NOVA1: variants seen among roughly 807,000 people sequenced by gnomAD.
The protein encoded by NOVA1 is NOVA alternative splicing regulator 1.
Under a neutral mutation model 38.0 loss-of-function variants are expected in NOVA1, and 7 were observed. That is an observed-to-expected ratio of 0.18 (90% CI 0.10 to 0.35). The LOEUF is 0.35. Ranked by LOEUF, NOVA1 falls within the 10% of genes least tolerant of loss-of-function variation. The probability of loss-of-function intolerance (pLI) is 1.00; values close to 1 mark genes in which losing one functional copy is unlikely to be tolerated. For missense variants in NOVA1, 460 were observed against 616.0 expected (o/e 0.75, Z 2.68); for synonymous variants, 270 against 232.5 (o/e 1.16, Z -1.47).
At chr14:26,524,496 C>G (rs1889153626) in intron 2 of NOVA1, among the ~76,000 whole-genome samples, 3 of 152,008 alleles carry the variant, frequency 2.0e-5, no homozygotes. Flanking sequence ...ATGAATTCTA[C>G]TCAACATTAA....
chr14:26,518,892 G>A (rs1594451577), intron 2 of NOVA1, among the ~76,000 whole-genome samples: 1 of 151,954 alleles, frequency 6.6e-6, no homozygotes, highest in South Asian at 2.1e-4. Context: ...CTATTACGAC[G>A]ATTTTTCATG....
intron 2 of NOVA1, among the ~76,000 whole-genome samples, chr14:26,557,703 T>C (rs2138669822): frequency 6.6e-6 from 1 of 152,198 alleles, no homozygotes; most frequent in Non-Finnish European, 1.5e-5. Context: ...ACAGTTTAAC[T>C]GTTTCTTACA....
chr14:26,463,556 T>C (rs1246526173), intron 4 of NOVA1, among the ~76,000 whole-genome samples: 1 of 152,198 alleles, frequency 6.6e-6, no homozygotes, highest in Non-Finnish European at 1.5e-5. Flanking sequence ...TAGGAGTTCT[T>C]TGTATAGCCG....
intron 4 of NOVA1, 188 bp downstream of exon 4, chr14:26,472,132 T>A (rs1344655029): frequency 1.9e-6 from 1 of 517,176 alleles, no homozygotes; most frequent in Non-Finnish European, 3.5e-6. Context: ...GTATTTGTTA[T>A]CTAAAATTAA....
intron 1 of NOVA1, among the ~76,000 whole-genome samples, chr14:26,596,414 C>T (rs1301685590): frequency 6.6e-6 from 1 of 152,110 alleles, no homozygotes; most frequent in South Asian, 2.1e-4. Context: ...ATTAAGCCAA[C>T]TCCACAAACT....
chr14:26,526,139 A>G (rs1413205961), intron 2 of NOVA1, among the ~76,000 whole-genome samples: 1 of 152,162 alleles, frequency 6.6e-6, no homozygotes, highest in Non-Finnish European at 1.5e-5. Flanking sequence ...ACGCTAATAA[A>G]TAAGAGATTA....
chr14:26,571,817 G>C (rs1185811477), intron 2 of NOVA1, among the ~76,000 whole-genome samples: 1 of 152,186 alleles, frequency 6.6e-6, no homozygotes, highest in African/African-American at 2.4e-5. Flanking sequence ...TACAAGCCTA[G>C]TTAAGTAAAA....
At chr14:26,579,143 C>T (rs1371722620) in intron 2 of NOVA1, among the ~76,000 whole-genome samples, 9 of 141,194 alleles carry the variant, frequency 6.4e-5, no homozygotes, top group African/African-American at 2.0e-4. Flanking sequence ...CTGGAACCTC[C>T]GCCTCCCAGG....
chr14:26,528,639 C>T (rs1359081958), intron 2 of NOVA1, among the ~76,000 whole-genome samples: 2 of 152,078 alleles, frequency 1.3e-5, no homozygotes, highest in Admixed American at 1.3e-4. Context: ...GCCACCGAGC[C>T]AGTATTACCC....
chr14:26,569,136 A>C (rs965832075), intron 2 of NOVA1, among the ~76,000 whole-genome samples: 1 of 152,204 alleles, frequency 6.6e-6, no homozygotes, highest in African/African-American at 2.4e-5. Context: ...CATGGTGGCA[A>C]GAGTGAGAAC....
intron 2 of NOVA1, among the ~76,000 whole-genome samples, chr14:26,488,673 C>A (rs900360734): frequency 2.6e-5 from 4 of 152,098 alleles, no homozygotes; most frequent in Non-Finnish European, 5.9e-5. Flanking sequence ...AATAGTATAA[C>A]CTTTTAATTT....
intron 2 of NOVA1, among the ~76,000 whole-genome samples, chr14:26,523,759 T>C (rs1323880992): frequency 6.7e-6 from 1 of 148,482 alleles, no homozygotes; most frequent in Non-Finnish European, 1.5e-5. Context: ...TTTTTTTTTT[T>C]TTTTTTTTTG....
At chr14:26,527,576 A>G (rs1395468231) in intron 2 of NOVA1, among the ~76,000 whole-genome samples, 1 of 152,160 alleles carries the variant, frequency 6.6e-6, no homozygotes, top group East Asian at 1.9e-4. Flanking sequence ...GCTCTTGACT[A>G]TCAACTACAC....
rs1207605964 is a variant in NOVA1, at chr14:26,446,992, G to A, written c.*967C>T. 1 of 152,544 alleles carries A rather than the reference G, an allele frequency of 6.6e-6. No individual in the cohort carries two copies. Among genetic ancestry groups the A allele is most frequent in the Non-Finnish European group, 1.5e-5 (1 of 68,030 alleles). The allele number at this position is 152,544 out of a possible 1,614,324, so 9.4% of individuals were successfully genotyped here. ...AAATCTACATTCACAATACTAATAG[G>A]TTTCTAGTGTTAACAAATTATACAC... On this transcript the variant is annotated 3_prime_UTR_variant, in exon 5 of 5. Transcript: ENST00000539517.
At chr14:26,488,973 A>T (rs1235296642) in intron 2 of NOVA1, among the ~76,000 whole-genome samples, 1 of 152,160 alleles carries the variant, frequency 6.6e-6, no homozygotes, top group Non-Finnish European at 1.5e-5. Flanking sequence ...ATACCAACTC[A>T]AGCTAAGAAA....
At position 26,523,896 on chromosome 14, in the gene NOVA1, G is replaced by A. The variant is rs192918453; in HGVS notation, c.281-43753C>T. On this transcript the variant is annotated intron_variant, in intron 2 of 4. Coordinates refer to ENST00000539517, the MANE Select transcript of NOVA1 (RefSeq NM_002515.3). ...CTCCTGAGTAGCTGGGACTACAGGC[G>A]CCCGACACCATGCCCAGCTAATTTT... 2.0e-5 allele frequency among the ~76,000 whole-genome samples: 3 copies of A among 151,674 alleles called. No individual in the cohort carries two copies. The East Asian group carries it at 5.9e-4, about 30-fold the overall frequency.
intron 2 of NOVA1, among the ~76,000 whole-genome samples, chr14:26,574,277 C>CCCT (rs1566550234): frequency 2.0e-5 from 2 of 99,012 alleles, no homozygotes; most frequent in East Asian, 8.2e-4. Context: ...ACCCCCCCCC[C>CCCT]CCCGCCCCCT....
intron 1 of NOVA1, 21 bp downstream of exon 1, chr14:26,597,280 G>C: frequency 8.0e-7 from 1 of 1,242,786 alleles, no homozygotes; most frequent in Non-Finnish European, 1.0e-6. Flanking sequence ...GGGCCAGCGG[G>C]GAGGTGGAAG....
chr14:26,533,293 T>C (rs1267202382), intron 2 of NOVA1, among the ~76,000 whole-genome samples: 1 of 152,216 alleles, frequency 6.6e-6, no homozygotes, highest in African/African-American at 2.4e-5. Context: ...AGCCCTCGCT[T>C]AGGAGCCACT....
Sources: allele counts gnomAD v4.1 joint callset (sites outside exome capture counted in the v4.1 genomes callset), GRCh38; gene constraint gnomAD v4.1.1; transcripts MANE v1.5; gene names NCBI Gene and HGNC (gene_info 2026-07-23, HGNC 2026-07-21).